The following IL1RAPL1 variants were observed in gnomAD, a reference collection of about 807,000 sequenced individuals.
IL1RAPL1 encodes the protein interleukin-1 receptor accessory protein-like 1.
A neutral mutation model predicts 48.4 loss-of-function variants in IL1RAPL1; 3 were observed. The observed-to-expected ratio is 0.06, with a 90% CI of 0.03 to 0.16. IL1RAPL1 has a LOEUF of 0.16. IL1RAPL1 is among the 10% of genes least tolerant of loss of function. The pLI is 1.00. For missense variants in IL1RAPL1, 349 were observed against 530.6 expected (o/e 0.66, Z 3.36); for synonymous variants, 185 against 187.7 (o/e 0.99, Z 0.12).
Position 29,129,039 on chromosome X carries a change from C to CTT in IL1RAPL1, c.83-153879_83-153878dup, listed in dbSNP as rs62772160. Among the ~76,000 whole-genome samples the CTT allele has an allele frequency of 9.5e-3, 589 of 62,315 alleles. 23 individuals are homozygous for CTT. Among genetic ancestry groups the CTT allele is most frequent in the African/African-American group, 0.033 (508 of 15,607 alleles). The allele number at this position is 62,315 out of a possible 115,157, so 54.1% of individuals were successfully genotyped here. A position where few individuals can be genotyped will look rare whatever the true frequency, so the allele number is the denominator to read the frequency against. On this transcript the variant is annotated intron_variant, in intron 2 of 10. Coordinates refer to ENST00000378993, the MANE Select transcript of IL1RAPL1 (RefSeq NM_014271.4). ...ACGTAGTTTTAATTTTACCTAGAAT[C>CTT]TTTTTTTTTTTTTTTTTTTTTGAGA...
intron 2 of IL1RAPL1, among the ~76,000 whole-genome samples, chrX:29,122,409 T>TCACACACACA (rs59677285): frequency 0.011 from 704 of 64,587 alleles, 14 homozygotes; most frequent in African/African-American, 0.025. Context: ...TCTCTCTCTC[T>TCACACACACA]CACACACACA....
intron 5 of IL1RAPL1, among the ~76,000 whole-genome samples, chrX:29,553,969 C>A (rs12014473): frequency 0.044 from 4,753 of 107,592 alleles, 112 homozygotes; most frequent in Middle Eastern, 0.085. Context: ...GCTGCTTTGA[C>A]TCTGTATTTG....
chrX:29,806,511 A>T (rs1485237516), intron 6 of IL1RAPL1, among the ~76,000 whole-genome samples: 1 of 111,303 alleles, frequency 9.0e-6, no homozygotes, highest in Non-Finnish European at 1.9e-5. Flanking sequence ...GAATATGATT[A>T]TAATTTTAAA....
At chrX:29,882,872 A>G (rs1415601657) in intron 6 of IL1RAPL1, among the ~76,000 whole-genome samples, 1 of 112,156 alleles carries the variant, frequency 8.9e-6, no homozygotes, top group Non-Finnish European at 1.9e-5. Context: ...TAAAATTACT[A>G]TATCCTAAAG....
Position 28,825,178 on chromosome X carries a change from A to G in IL1RAPL1, c.82+35753A>G, listed in dbSNP as rs560592130. Among the ~76,000 whole-genome samples, 24 of 111,980 alleles carry G rather than the reference A, an allele frequency of 2.1e-4. 1 individual carries two copies. The South Asian group carries it at 7.7e-3, about 36-fold the overall frequency. On this transcript the variant is annotated intron_variant, in intron 2 of 10. Transcript: ENST00000378993. ...TATTAAAAATGCTTTTTTGAGGCCA[A>G]TGAGAACTTGATATACAGCAGGATA...
At position 28,948,655 on chromosome X, in the gene IL1RAPL1, C is replaced by T. The variant is rs763735479; in HGVS notation, c.82+159230C>T. Among the ~76,000 whole-genome samples, 14 of 111,594 alleles carry T rather than the reference C, an allele frequency of 1.3e-4. No homozygotes were observed. The Admixed American group carries it at 1.3e-3, about 11-fold the overall frequency. ...GTACATGTAAAGCACCTGTAACATT[C>T]AGCACCTTTAACATTAATGCAGTAA... On this transcript the variant is annotated intron_variant, in intron 2 of 10. Coordinates refer to ENST00000378993, the MANE Select transcript of IL1RAPL1 (RefSeq NM_014271.4).
intron 2 of IL1RAPL1, among the ~76,000 whole-genome samples, chrX:28,944,123 T>C (rs1242790788): frequency 9.0e-6 from 1 of 110,760 alleles, no homozygotes; most frequent in African/African-American, 3.3e-5. Flanking sequence ...AATTAGTTGT[T>C]TTTATATTTA....
chrX:29,265,792 G>A (rs1408798679), intron 2 of IL1RAPL1, among the ~76,000 whole-genome samples: 1 of 109,123 alleles, frequency 9.2e-6, no homozygotes, highest in Non-Finnish European at 1.9e-5. Flanking sequence ...CCCCACAAAG[G>A]ACATGAACTC....
chrX:29,374,286 CTTTTTTTTTTTTT>C (rs747182215), intron 3 of IL1RAPL1, among the ~76,000 whole-genome samples: 3 of 4,755 alleles, frequency 6.3e-4, no homozygotes, highest in African/African-American at 1.1e-3. Context: ...TGGTTGGTTG[CTTTTTTTTTTTTT>C]TTTTTTTTTT....
At chrX:29,765,210 T>C (rs1487568525) in intron 6 of IL1RAPL1, among the ~76,000 whole-genome samples, 3 of 110,752 alleles carry the variant, frequency 2.7e-5, no homozygotes, top group Admixed American at 9.6e-5. Flanking sequence ...CTTTCAATTG[T>C]TTTTAGTTCT....
intron 5 of IL1RAPL1, among the ~76,000 whole-genome samples, chrX:29,418,123 A>AT (rs1477273573): frequency 3.4e-4 from 10 of 29,473 alleles, no homozygotes; most frequent in African/African-American, 9.9e-4. Context: ...ATATATATAT[A>AT]TATTTTTTTT....
At chrX:29,230,923 A>G (rs1393784265) in intron 2 of IL1RAPL1, among the ~76,000 whole-genome samples, 1 of 111,511 alleles carries the variant, frequency 9.0e-6, no homozygotes, top group Non-Finnish European at 1.9e-5. Flanking sequence ...AGTCTGAAAT[A>G]GACATAGGCA....
At position 29,100,136 on chromosome X, in the gene IL1RAPL1, C is replaced by T. The variant is rs747376339; in HGVS notation, c.83-182802C>T. 3.6e-3 allele frequency among the ~76,000 whole-genome samples: 404 copies of T among 111,258 alleles called. 2 individuals carry two copies. The highest frequency in any genetic ancestry group is 4.7e-3 in the Non-Finnish European group (250 of 53,007). ...CTGAGGCAGGAGAATCACTTGAACC[C>T]GGGAGGTGGAGGTTGCAGTGAGCCA... On this transcript the variant is annotated intron_variant, in intron 2 of 10. Coordinates refer to ENST00000378993, the MANE Select transcript of IL1RAPL1 (RefSeq NM_014271.4).
intron 5 of IL1RAPL1, among the ~76,000 whole-genome samples, chrX:29,625,702 T>TA (rs1924598810): frequency 8.9e-6 from 1 of 112,001 alleles, no homozygotes; most frequent in Non-Finnish European, 1.9e-5. Flanking sequence ...AGTTTCTATA[T>TA]AAAAAATGTC....
chrX:29,542,500 G>T (rs1467313884), intron 5 of IL1RAPL1, among the ~76,000 whole-genome samples: 1 of 111,732 alleles, frequency 8.9e-6, no homozygotes, highest in Non-Finnish European at 1.9e-5. Context: ...GAATAATTTG[G>T]GTTCAGATAA....
At chrX:29,663,867 A>G (rs1480248875) in intron 5 of IL1RAPL1, among the ~76,000 whole-genome samples, 1 of 112,200 alleles carries the variant, frequency 8.9e-6, no homozygotes, top group Non-Finnish European at 1.9e-5. Context: ...TGATGGATAT[A>G]ATTAGAACAG....
intron 2 of IL1RAPL1, among the ~76,000 whole-genome samples, chrX:29,035,115 T>C (rs1320665984): frequency 9.0e-6 from 1 of 111,253 alleles, no homozygotes; most frequent in Non-Finnish European, 1.9e-5. Flanking sequence ...TTTGTATTTG[T>C]TTGTTTGTTT....
chrX:29,762,345 A>C (rs1407835512), intron 6 of IL1RAPL1, among the ~76,000 whole-genome samples: 1 of 111,701 alleles, frequency 9.0e-6, no homozygotes, highest in Non-Finnish European at 1.9e-5. Flanking sequence ...AAAGGGAGAA[A>C]AACTTATCAA....
chrX:28,829,671 T>C (rs1490912461), intron 2 of IL1RAPL1, among the ~76,000 whole-genome samples: 5 of 107,344 alleles, frequency 4.7e-5, no homozygotes, highest in Non-Finnish European at 9.6e-5. Flanking sequence ...GCGATTCTCC[T>C]ACCTCAGCCT....
Sources: gnomAD v4.1 joint callset for allele counts (sites outside exome capture counted in the v4.1 genomes callset) on GRCh38, gnomAD v4.1.1 for gene constraint, MANE v1.5 for transcripts, NCBI Gene and HGNC (gene_info 2026-07-23, HGNC 2026-07-21) for gene names.